Variants in FRYL observed in about 807,000 individuals in gnomAD.
FRYL encodes protein furry homolog-like.
Under a neutral mutation model 351.2 loss-of-function variants are expected in FRYL, and 150 were observed. The ratio of observed to expected loss-of-function variants is 0.43; its 90% CI spans 0.37 to 0.49. The LOEUF (loss-of-function observed/expected upper bound fraction) is 0.49, where lower values mean the gene tolerates loss of function less well. Ranked by LOEUF, FRYL falls within the 20% of genes least tolerant of loss-of-function variation. The probability of loss-of-function intolerance (pLI) is 0.00; values close to 1 mark genes in which losing one functional copy is unlikely to be tolerated. For synonymous variants in FRYL, 1,153 were observed against 1,257.1 expected, an observed-to-expected ratio of 0.92 and a Z score of 1.75; for missense variants, 3,036 against 3,619.3, an observed-to-expected ratio of 0.84 and a Z score of 4.13.
At chr4:48,715,117 G>C (rs1420101855) in intron 1 of FRYL, among the ~76,000 whole-genome samples, 1 of 151,868 alleles carries the variant, frequency 6.6e-6, no homozygotes. Flanking sequence ...TTGATGGGAC[G>C]TATCTCAAAA....
intron 2 of FRYL, among the ~76,000 whole-genome samples, chr4:48,693,715 T>A (rs1200850736): frequency 6.6e-6 from 1 of 152,116 alleles, no homozygotes; most frequent in Admixed American, 6.5e-5. Context: ...TATTTGCCAG[T>A]AATTCCCACA....
At chr4:48,706,130 G>A (rs1386887478) in intron 2 of FRYL, among the ~76,000 whole-genome samples, 1 of 152,156 alleles carries the variant, frequency 6.6e-6, no homozygotes, top group African/African-American at 2.4e-5. Flanking sequence ...ACTGCGCCTG[G>A]CCTCACCTCC....
chr4:48,622,461 C>A (rs185183358), intron 5 of FRYL, among the ~76,000 whole-genome samples: 79 of 152,238 alleles, frequency 5.2e-4, no homozygotes, highest in Non-Finnish European at 9.4e-4. Context: ...TCTGCTTTGG[C>A]AGAACTGGAG....
intron 1 of FRYL, among the ~76,000 whole-genome samples, chr4:48,756,094 G>T (rs377680898): frequency 6.6e-6 from 1 of 151,858 alleles, no homozygotes; most frequent in East Asian, 1.9e-4. Context: ...TTAGCCATGC[G>T]TGGTGGCACA....
chr4:48,536,997 A>T (rs1729040346), intron 47 of FRYL, among the ~76,000 whole-genome samples: 1 of 152,214 alleles, frequency 6.6e-6, no homozygotes, highest in South Asian at 2.1e-4. Context: ...CATTAAAACC[A>T]GCTGATTTCA....
intron 3 of FRYL, chr4:48,646,009 A>T (rs563807994): frequency 1.3e-5 from 2 of 152,316 alleles, no homozygotes; most frequent in South Asian, 4.1e-4. Flanking sequence ...TTTCTTCCAT[A>T]TAGTCTCCCT....
chr4:48,715,771 C>G (rs928310422), intron 1 of FRYL, among the ~76,000 whole-genome samples: 9 of 152,164 alleles, frequency 5.9e-5, no homozygotes, highest in Non-Finnish European at 1.0e-4. Context: ...TGGAAAAAAA[C>G]TACTTTAAAG....
At chr4:48,529,095 T>C (rs1361030414) in intron 50 of FRYL, among the ~76,000 whole-genome samples, 2 of 152,168 alleles carry the variant, frequency 1.3e-5, no homozygotes, top group Non-Finnish European at 2.9e-5. Context: ...AAACACACCA[T>C]GCTCTTTTAT....
intron 1 of FRYL, among the ~76,000 whole-genome samples, chr4:48,751,278 A>G (rs1474135423): frequency 6.6e-6 from 1 of 152,230 alleles, no homozygotes; most frequent in African/African-American, 2.4e-5. Flanking sequence ...GACAATTTCT[A>G]TGAAATTTCA....
Position 48,549,549 on chromosome 4 carries a change from G to C in FRYL, c.4708C>G (p.Pro1570Ala). 6.2e-7 allele frequency: 1 copy of C among 1,613,222 alleles called. No individual in the cohort carries two copies. The highest frequency in any genetic ancestry group is 8.5e-7 in the Non-Finnish European group (1 of 1,179,492). ...EHNQGEPLPF[P>A]PAGGCWSPLV... The stretch of plus-strand genomic sequence containing the variant: ...GGTGACCAGCAGCCTCCAGCTGGTG[G>C]GAAGGGCAGTGGCTCTCCTTGGTTA... The change falls in exon 39 of 64, where the codon CCA becomes GCA. Residue 1570 changes from proline (P) to alanine (A), a missense_variant. Around this residue, in one of 7 missense-constraint regions of FRYL, gnomAD observed 1,987 missense variants for 2,311.7 expected, o/e 0.86. Transcript: ENST00000358350. This position sits in a 1 kb window ranked among gnomAD's most constrained non-coding sequence, Gnocchi z 4.2.
chr4:48,568,221 G>A (rs1356563015), intron 27 of FRYL, among the ~76,000 whole-genome samples: 4 of 152,320 alleles, frequency 2.6e-5, no homozygotes, highest in Middle Eastern at 3.4e-3. Flanking sequence ...CTGCATTCCC[G>A]CCTTGGTGAC....
At chr4:48,750,221 G>A (rs1408660381) in intron 1 of FRYL, among the ~76,000 whole-genome samples, 1 of 151,890 alleles carries the variant, frequency 6.6e-6, no homozygotes, top group Non-Finnish European at 1.5e-5. Flanking sequence ...AGCACTCTGG[G>A]AGGCCGAGGC....
Position 48,562,207 on chromosome 4 carries a change from T to TG in FRYL, c.3697-572dup, listed in dbSNP as rs535429101. On this transcript the variant is annotated intron_variant, in intron 32 of 63. Transcript: ENST00000358350. ...TATGGTAGTACAATATATGCATAAGTGAAAAAAAAAAACCCTTCAAGGAGG... is the reference window on the plus strand; with the variant it reads ...TATGGTAGTACAATATATGCATAAGTGGAAAAAAAAAAACCCTTCAAGGAGG... Among the ~76,000 whole-genome samples, 18 of 150,624 alleles carry TG rather than the reference T, an allele frequency of 1.2e-4. No individual in the cohort carries two copies. The East Asian group carries it at 2.9e-3, about 24-fold the overall frequency.
intron 50 of FRYL, 91 bp downstream of exon 50, chr4:48,531,065 G>C: frequency 1.1e-6 from 1 of 881,390 alleles, no homozygotes; most frequent in East Asian, 2.4e-5. Flanking sequence ...CTGGGTATGA[G>C]CTCAATCAAT....
At chr4:48,530,379 T>A (rs1432486874) in intron 50 of FRYL, among the ~76,000 whole-genome samples, 1 of 152,154 alleles carries the variant, frequency 6.6e-6, no homozygotes, top group African/African-American at 2.4e-5. Context: ...TCCCACATTA[T>A]CTTTTGCCCA....
intron 19 of FRYL, among the ~76,000 whole-genome samples, chr4:48,585,913 A>T (rs1255158272): frequency 3.3e-5 from 5 of 152,214 alleles, no homozygotes; most frequent in African/African-American, 1.2e-4. Context: ...ATCTATGAAC[A>T]CTAGGTCTTA....
intron 1 of FRYL, among the ~76,000 whole-genome samples, chr4:48,732,596 AT>A (rs1241820437): frequency 6.6e-6 from 1 of 152,218 alleles, no homozygotes; most frequent in Admixed American, 6.5e-5. Context: ...CTCTGCAGCC[AT>A]AAAAAAGGAT....
chr4:48,611,992 A>G (rs1254315986), intron 7 of FRYL, among the ~76,000 whole-genome samples: 2 of 152,292 alleles, frequency 1.3e-5, no homozygotes, highest in Middle Eastern at 3.4e-3. Flanking sequence ...GTCACCCCAC[A>G]ATATATTATT....
chr4:48,752,351 G>T (rs1161193303), intron 1 of FRYL, among the ~76,000 whole-genome samples: 1 of 133,474 alleles, frequency 7.5e-6, no homozygotes, highest in Non-Finnish European at 1.6e-5. Flanking sequence ...CTCCTCTAAT[G>T]AACCATCTTG....
Sources: gnomAD v4.1 joint callset for allele counts (sites outside exome capture counted in the v4.1 genomes callset) on GRCh38, gnomAD v4.1.1 for gene constraint, gnomAD v4.1.1 regional missense constraint, Gnocchi (gnomAD v3.1) non-coding constraint, MANE v1.5 for transcripts, NCBI Gene and HGNC (gene_info 2026-07-23, HGNC 2026-07-21) for gene names.